The following TRIOBP variants were observed in gnomAD, a reference collection of about 807,000 sequenced individuals.
TRIOBP encodes TRIO and F-actin-binding protein.
Under a neutral mutation model 238.8 loss-of-function variants are expected in TRIOBP, and 169 were observed. The observed-to-expected ratio is 0.71, with a 90% CI of 0.62 to 0.80. The LOEUF is 0.80. TRIOBP is among the 30% of genes least tolerant of loss of function. TRIOBP has a pLI of 0.00. For synonymous variants in TRIOBP, 1,150 were observed against 1,274.4 expected (o/e 0.90, Z 2.08); for missense variants, 2,838 against 3,122.6 (o/e 0.91, Z 2.17).
At chr22:37,740,819 G>A in intron 10 of TRIOBP, 76 bp from the exon 11 acceptor site, 2 of 1,546,868 alleles carry the variant, frequency 1.3e-6, no homozygotes, top group South Asian at 1.2e-5. Flanking sequence ...CACAGAATGG[G>A]CAGGGGAGGC....
chr22:37,704,753 ATG>A (rs1922845378), intron 3 of TRIOBP, among the ~76,000 whole-genome samples: 1 of 150,462 alleles, frequency 6.6e-6, no homozygotes, highest in Non-Finnish European at 1.5e-5. Context: ...AGGAAGGAGA[ATG>A]TGCAAAGGCC....
intron 21 of TRIOBP, among the ~76,000 whole-genome samples, chr22:37,770,620 G>A (rs535459718): frequency 1.4e-3 from 218 of 151,892 alleles, no homozygotes; most frequent in African/African-American, 4.8e-3. Context: ...CAGGTGATCC[G>A]CCCACTTCGG....
Position 37,723,637 on chromosome 22 carries a change from C to G in TRIOBP, c.1081C>G (p.Gln361Glu), listed in dbSNP as rs1475284538. 7 of 1,614,026 alleles carry G rather than the reference C, an allele frequency of 4.3e-6. No individual in the cohort carries two copies. The highest frequency in any genetic ancestry group is 2.2e-5 in the East Asian group (1 of 44,892). ...LDNPRTSSTQ[Q>E]DNPQTSFPTC... Reference sequence around the variant, plus strand: ...TAACCCCAGAACCTCTTCTACCCAGCAGGACAACCCCCAAACTTCTTTTCC... The same window carrying G: ...TAACCCCAGAACCTCTTCTACCCAGGAGGACAACCCCCAAACTTCTTTTCC... Residue 361 changes from glutamine to glutamate, a missense_variant, in exon 7 of 24, where the codon CAG (glutamine) becomes GAG (glutamate). Transcript: ENST00000644935.
At position 37,713,274 on chromosome 22, in the gene TRIOBP, C is replaced by T. The variant is rs376056274; in HGVS notation, c.319C>T (p.Arg107Trp). Residue 107 changes from arginine (R) to tryptophan (W), a missense_variant, in exon 5 of 24, where the codon CGG becomes TGG. By Grantham distance (101) the Arg-to-Trp change is moderately radical. Transcript: ENST00000644935. ...CACAGCTGCCCCCAGGAGCAGGAGC[C>T]GGGAGCTTGAGGCAGTACCCTATCT... ...GPTAAPRSRS[R>W]ELEAVPYLEG... 7.5e-5 allele frequency: 121 copies of T among 1,613,880 alleles called. 1 individual carries two copies. The South Asian group carries it at 1.0e-3, about 14-fold the overall frequency.
intron 11 of TRIOBP, among the ~76,000 whole-genome samples, chr22:37,744,800 G>A (rs1311171677): frequency 6.6e-6 from 1 of 152,180 alleles, no homozygotes; most frequent in Non-Finnish European, 1.5e-5. Context: ...GCAAATGCTG[G>A]GAAAGAACTT....
Position 37,725,993 on chromosome 22 carries a change from G to C in TRIOBP, c.3437G>C (p.Ser1146Thr). The C allele has an allele frequency of 6.2e-7, 1 of 1,611,450 alleles. No homozygotes were observed. Among genetic ancestry groups the C allele is most frequent in the Non-Finnish European group, 8.5e-7 (1 of 1,179,230 alleles). Residue 1146 changes from serine (S) to threonine (T), a missense_variant, in exon 7 of 24, where the codon AGC (serine) becomes ACC (threonine). Ser to Thr is a moderately conservative substitution (Grantham distance 58, BLOSUM62 1). Transcript: ENST00000644935. Reference sequence around the variant, plus strand: ...GACCTCCCCAGGGCCAGCACAGAGAGCCTTGTCCCTTCCATGGACTCTCTG... The same window carrying C: ...GACCTCCCCAGGGCCAGCACAGAGACCCTTGTCCCTTCCATGGACTCTCTG... ...FQDLPRASTE[S>T]LVPSMDSLHE...
At chr22:37,700,690 A>AT (rs1569029988) in intron 2 of TRIOBP, among the ~76,000 whole-genome samples, 1 of 151,394 alleles carries the variant, frequency 6.6e-6, no homozygotes, top group African/African-American at 2.4e-5. Context: ...TGGAATCTGC[A>AT]TTTTTTTGTT....
Position 37,723,312 on chromosome 22 carries a change from T to C in TRIOBP, c.756T>C (p.Pro252=). The C allele has an allele frequency of 6.2e-7, 1 of 1,614,068 alleles. No individual in the cohort carries two copies. Among genetic ancestry groups the C allele is most frequent in the African/African-American group, 1.3e-5 (1 of 74,992 alleles). The part of the protein sequence containing the change: ...QASSMTPHSG[P]RSTTSQASPA... ...CCTCCATGACACCACACAGTGGACC[T>C]CGAAGCACCACGTCTCAGGCTTCTC... Residue 252 remains proline, a synonymous_variant, in exon 7 of 24, where the codon CCT becomes CCC. Coordinates refer to ENST00000644935, the MANE Select transcript of TRIOBP (RefSeq NM_001039141.3).
At chr22:37,731,470 T>G (rs12159267) in intron 7 of TRIOBP, among the ~76,000 whole-genome samples, 2 of 38,492 alleles carry the variant, frequency 5.2e-5, no homozygotes, top group African/African-American at 8.1e-5. Context: ...ATATATATAT[T>G]TTTTGAGACA....
chr22:37,701,286 C>T lies in TRIOBP; in HGVS notation c.-60-20C>T. The T allele has an allele frequency of 8.7e-7, 1 of 1,143,400 alleles. No homozygotes were observed. 70.8% of individuals were successfully genotyped at this position (1,143,400 alleles called of 1,614,324 possible). A position where few individuals can be genotyped will look rare whatever the true frequency, so the allele number is the denominator to read the frequency against. On this transcript the variant is annotated intron_variant, in intron 2 of 23. Coordinates refer to ENST00000644935, the MANE Select transcript of TRIOBP (RefSeq NM_001039141.3). ...GGCCAGCCAGTCATCTGGTCTTTGC[C>T]TCCCCCTCATTTTTGCCAGGCCTCA... is the stretch of plus-strand genomic sequence containing the variant.
At position 37,771,644 on chromosome 22, in the gene TRIOBP, C is replaced by A. The variant is rs752052092; in HGVS notation, c.6850-6C>A. On this transcript the variant is annotated splice_region_variant and splice_polypyrimidine_tract_variant and intron_variant, in intron 21 of 23. Coordinates refer to ENST00000644935, the MANE Select transcript of TRIOBP (RefSeq NM_001039141.3). ...CCCTGGGTCAGTCCAGCACCTATAT[C>A]CCCAGGTGCTGCTTCGCGTAAAAGA... is the stretch of plus-strand genomic sequence containing the variant. 40 of 1,613,050 alleles carry A rather than the reference C, an allele frequency of 2.5e-5. No homozygotes were observed. The highest frequency in any genetic ancestry group is 3.4e-5 in the Non-Finnish European group (40 of 1,179,320).
intron 17 of TRIOBP, 43 bp from the exon 18 acceptor site, chr22:37,765,627 G>T: frequency 6.5e-7 from 1 of 1,547,914 alleles, no homozygotes. Context: ...CCGCTGTCCA[G>T]AGGAACGGGG....
intron 3 of TRIOBP, among the ~76,000 whole-genome samples, chr22:37,710,039 C>T (rs11913051): frequency 0.14 from 21,736 of 152,242 alleles, 3,356 homozygotes; most frequent in African/African-American, 0.39. Flanking sequence ...CTGGGGCGCA[C>T]GCACATACAT....
intron 11 of TRIOBP, chr22:37,746,147 G>A (rs929391179): frequency 2.0e-6 from 2 of 1,003,364 alleles, no homozygotes; most frequent in South Asian, 4.6e-5. Flanking sequence ...GCCCGCCGCG[G>A]CCCCCGCCGC....
At chr22:37,750,611 T>G (rs1925533380) in intron 11 of TRIOBP, 3 of 470,684 alleles carry the variant, frequency 6.4e-6, no homozygotes, top group South Asian at 4.6e-5. Flanking sequence ...TTCTCGGCCG[T>G]GAGCAGAGCC....
At position 37,725,688 on chromosome 22, in the gene TRIOBP, C is replaced by T. The variant is rs1438611569; in HGVS notation, c.3132C>T (p.Pro1044=). Residue 1044 remains proline, a synonymous_variant, in exon 7 of 24, where the codon CCC becomes CCT. Coordinates refer to ENST00000644935, the MANE Select transcript of TRIOBP (RefSeq NM_001039141.3). ...QHDPFPFFPE[P]RAPESEPPHH... The stretch of plus-strand genomic sequence containing the variant: ...ACCCCTTCCCCTTCTTCCCAGAGCC[C>T]CGCGCCCCTGAGAGTGAACCGCCCC... 2 of 1,612,982 alleles carry T rather than the reference C, an allele frequency of 1.2e-6. No homozygotes were observed. Among genetic ancestry groups the T allele is most frequent in the African/African-American group, 1.3e-5 (1 of 74,586 alleles).
chr22:37,757,032 G>A (rs572988030), intron 15 of TRIOBP, among the ~76,000 whole-genome samples: 2 of 152,218 alleles, frequency 1.3e-5, no homozygotes, highest in Admixed American at 1.3e-4. Flanking sequence ...GAGAGGCGTC[G>A]CTGTCCCACA....
Position 37,724,646 on chromosome 22 carries a change from G to T in TRIOBP, c.2090G>T (p.Arg697Ile). 1 of 1,607,914 alleles carries T rather than the reference G, an allele frequency of 6.2e-7. No homozygotes were observed. The highest frequency in any genetic ancestry group is 1.1e-5 in the South Asian group (1 of 90,776). Residue 697 changes from arginine to isoleucine, a missense_variant, in exon 7 of 24, where the codon AGA (arginine) becomes ATA (isoleucine). Coordinates refer to ENST00000644935, the MANE Select transcript of TRIOBP (RefSeq NM_001039141.3). ...AGAACCATCCAACAAGAGAACCCCA[G>T]AACATCCTGTGCCCAACGGGACGAT... ...PSRTIQQENP[R>I]TSCAQRDDPR...
At chr22:37,747,064 G>C (rs1925321234) in intron 11 of TRIOBP, among the ~76,000 whole-genome samples, 5 of 152,224 alleles carry the variant, frequency 3.3e-5, no homozygotes. Flanking sequence ...TAGGGGGCAT[G>C]ATGGCAGGGG....
Sources: gnomAD v4.1 joint callset for allele counts (sites outside exome capture counted in the v4.1 genomes callset) on GRCh38, gnomAD v4.1.1 for gene constraint, MANE v1.5 for transcripts, NCBI Gene and HGNC (gene_info 2026-07-23, HGNC 2026-07-21) for gene names.